GTF2IRD1: variants seen among roughly 807,000 people sequenced by gnomAD.
The protein encoded by GTF2IRD1 is general transcription factor II-I repeat domain-containing protein 1.
GTF2IRD1 carries 26 observed loss-of-function variants against 113.2 expected under a neutral mutation model. The ratio of observed to expected loss-of-function variants is 0.23; its 90% CI spans 0.17 to 0.32. The LOEUF (loss-of-function observed/expected upper bound fraction) is 0.32. Among genes scored for constraint, GTF2IRD1 ranks in the 10% least tolerant of loss-of-function variants. The pLI, the probability that GTF2IRD1 is intolerant of heterozygous loss-of-function variation, is 1.00. For missense variants in GTF2IRD1, 864 were observed against 1,280.8 expected (o/e 0.67, Z 4.97); for synonymous variants, 484 against 529.1 (o/e 0.91, Z 1.17).
intron 22 of GTF2IRD1, among the ~76,000 whole-genome samples, chr7:74,562,484 T>A (rs587760623): frequency 3.3e-5 from 5 of 150,924 alleles, no homozygotes; most frequent in Admixed American, 1.3e-4. Flanking sequence ...TGCCTCACCA[T>A]GTGATCTGAA....
Position 74,534,679 on chromosome 7 carries a change from C to G in GTF2IRD1, c.1275-434C>G, listed in dbSNP as rs782233130. On this transcript the variant is annotated intron_variant, in intron 9 of 26. Transcript: ENST00000424337. ...CCCCTGCTGAGATCGCGCCACTGCA[C>G]TCCAGCCTGGGCGACAGAGCAAGAC... 2.6e-5 allele frequency among the ~76,000 whole-genome samples: 4 copies of G among 152,046 alleles called. No individual in the cohort carries two copies. In the South Asian group the frequency reaches 6.2e-4, roughly 24 times the overall value.
At chr7:74,484,078 G>C (rs1395862524) in intron 1 of GTF2IRD1, among the ~76,000 whole-genome samples, 1 of 152,202 alleles carries the variant, frequency 6.6e-6, no homozygotes, top group Admixed American at 6.5e-5. Context: ...TGGAGACTCA[G>C]TGCCCACACA....
intron 13 of GTF2IRD1, 127 bp from the exon 14 acceptor site, chr7:74,539,748 CAAAA>C: frequency 2.0e-6 from 1 of 509,590 alleles, no homozygotes; most frequent in Non-Finnish European, 3.5e-6. Context: ...CATCTCAAAC[CAAAA>C]AAAAAAAAGA....
chr7:74,561,146 C>T (rs1271533456), intron 22 of GTF2IRD1, among the ~76,000 whole-genome samples: 2 of 151,700 alleles, frequency 1.3e-5, no homozygotes, highest in African/African-American at 4.8e-5. Context: ...GTCAGGAGTT[C>T]GAGATCAGCC....
intron 22 of GTF2IRD1, among the ~76,000 whole-genome samples, chr7:74,566,834 T>C (rs1800349559): frequency 6.6e-6 from 1 of 152,138 alleles, no homozygotes; most frequent in South Asian, 2.1e-4. Flanking sequence ...CAGGGCAGGC[T>C]CTACCACTAG....
At chr7:74,548,602 A>C (rs1742635700) in intron 17 of GTF2IRD1, among the ~76,000 whole-genome samples, 1 of 151,508 alleles carries the variant, frequency 6.6e-6, no homozygotes, top group Non-Finnish European at 1.5e-5. Flanking sequence ...AGACTGTGTC[A>C]CTATAATTTT....
At chr7:74,579,642 G>A (rs587623929) in intron 22 of GTF2IRD1, among the ~76,000 whole-genome samples, 2 of 151,238 alleles carry the variant, frequency 1.3e-5, no homozygotes, top group African/African-American at 4.9e-5. Flanking sequence ...AAAAACTACA[G>A]TTCCCTTTGT....
At chr7:74,536,304 C>G in intron 11 of GTF2IRD1, 29 bp downstream of exon 11, 1 of 1,415,022 alleles carries the variant, frequency 7.1e-7, no homozygotes, top group South Asian at 1.1e-5. Flanking sequence ...CCCCGGAGGC[C>G]CGCGGCCAGC....
At chr7:74,470,522 A>G (rs58105955) in intron 1 of GTF2IRD1, among the ~76,000 whole-genome samples, 18,316 of 152,122 alleles carry the variant, frequency 0.12, 1,180 homozygotes, top group African/African-American at 0.16. Flanking sequence ...CTACCATATG[A>G]CTAGGTATTT....
rs1797267522 is a variant in GTF2IRD1 at position 74,521,079 on chromosome 7, G to A, written c.917-129G>A. 8.3e-6 allele frequency: 5 copies of A among 602,870 alleles called. No homozygotes were observed. The East Asian group carries it at 1.4e-4, about 17-fold the overall frequency. The allele number at this position is 602,870 out of a possible 1,614,324, so 37.3% of individuals were successfully genotyped here. A position where few individuals can be genotyped will look rare whatever the true frequency, so the allele number is the denominator to read the frequency against. On this transcript the variant is annotated intron_variant, in intron 6 of 26. Transcript: ENST00000424337. ...CCTTGCCTTGAGTTTGTGATCACAG[G>A]AATCAGTTATTGGATGTCCCTGGCA...
At chr7:74,485,849 C>T (rs1794991604) in intron 1 of GTF2IRD1, among the ~76,000 whole-genome samples, 1 of 151,950 alleles carries the variant, frequency 6.6e-6, no homozygotes, top group African/African-American at 2.4e-5. Flanking sequence ...TTGCTTGAGT[C>T]CAGGAAGGTG....
intron 2 of GTF2IRD1, among the ~76,000 whole-genome samples, chr7:74,508,406 C>T (rs563230465): frequency 6.6e-6 from 1 of 152,262 alleles, no homozygotes; most frequent in African/African-American, 2.4e-5. Context: ...AAATCTAGCC[C>T]TGGGGCCGGG....
intron 25 of GTF2IRD1, 138 bp from the exon 26 acceptor site, chr7:74,600,906 C>A: frequency 2.3e-6 from 2 of 877,992 alleles, no homozygotes; most frequent in Non-Finnish European, 1.8e-6. Flanking sequence ...TGGGCCCTGA[C>A]CCCCAGGGGA....
At chr7:74,578,477 A>G (rs587719267) in intron 22 of GTF2IRD1, among the ~76,000 whole-genome samples, 2 of 152,290 alleles carry the variant, frequency 1.3e-5, no homozygotes, top group East Asian at 1.9e-4. Flanking sequence ...CGCCCAGCCT[A>G]TAATTTTACT....
chr7:74,480,587 A>G (rs1470307420), intron 1 of GTF2IRD1, among the ~76,000 whole-genome samples: 1 of 152,164 alleles, frequency 6.6e-6, no homozygotes, highest in African/African-American at 2.4e-5. Flanking sequence ...CTGGTCACGC[A>G]GGCAGGCGGC....
chr7:74,524,029 C>T, intron 7 of GTF2IRD1, 42 bp from the exon 8 acceptor site: 1 of 1,412,948 alleles, frequency 7.1e-7, no homozygotes, highest in East Asian at 2.3e-5. Flanking sequence ...GTGTGACCGT[C>T]CCGTGGGGCC....
In GTF2IRD1 at chr7:74,508,183, G is replaced by A. The variant is rs782323687; in HGVS notation, c.103G>A (p.Val35Met). 74 of 1,612,690 alleles carry A rather than the reference G, an allele frequency of 4.6e-5. No individual in the cohort carries two copies. Among genetic ancestry groups the A allele is most frequent in the Non-Finnish European group, 5.9e-5 (70 of 1,179,974 alleles). Residue 35 changes from valine to methionine, a missense_variant, in exon 2 of 27, where the codon GTG becomes ATG. Val to Met is a conservative substitution (Grantham distance 21, BLOSUM62 1). Around this residue, in one of 7 missense-constraint regions of GTF2IRD1, gnomAD observed 182 missense variants for 266.6 expected, o/e 0.68. Coordinates refer to ENST00000424337, the MANE Select transcript of GTF2IRD1 (RefSeq NM_005685.4). The stretch of plus-strand genomic sequence containing the variant: ...CAAAGACGAGATCATCACCAGCCTC[G>A]TGTCTGCCTTAGACTCCATGGTGAG... ...TRKDEIITSL[V>M]SALDSMCSAL...
intron 1 of GTF2IRD1, among the ~76,000 whole-genome samples, chr7:74,473,135 C>G (rs1794203956): frequency 6.6e-6 from 1 of 152,206 alleles, no homozygotes; most frequent in African/African-American, 2.4e-5. Context: ...CTGGAGTAAC[C>G]CCCAAGCCTC....
intron 9 of GTF2IRD1, among the ~76,000 whole-genome samples, chr7:74,532,934 A>G (rs1315924526): frequency 6.6e-6 from 1 of 151,950 alleles, no homozygotes; most frequent in East Asian, 1.9e-4. Context: ...CATGGCAGGG[A>G]AGCTGTACCT....
Sources: allele counts gnomAD v4.1 joint callset (sites outside exome capture counted in the v4.1 genomes callset), GRCh38; gene constraint gnomAD v4.1.1; regional missense constraint gnomAD v4.1.1; transcripts MANE v1.5; gene names NCBI Gene and HGNC (gene_info 2026-07-23, HGNC 2026-07-21).